IGBP1C: variants seen among roughly 807,000 people sequenced by gnomAD.
IGBP1C encodes the protein IGBP1 family member C, also known as immunoglobulin-binding protein 1 family member C.
At chr17:58,683,372 C>T in the IGBP1C span, among the ~76,000 whole-genome samples, 1 of 150,000 alleles carries the variant, frequency 6.7e-6, no homozygotes, top group Non-Finnish European at 1.5e-5. Context: ...GACTCCATCC[C>T]CCCCCCCAAA....
the IGBP1C span, among the ~76,000 whole-genome samples, chr17:58,691,200 GCTTCCATGTCCTTAT>G: frequency 6.6e-6 from 1 of 152,120 alleles, no homozygotes; most frequent in African/African-American, 2.4e-5. Flanking sequence ...TATATGCTGA[GCTTCCATGTCCTTAT>G]CTTCCTTTTG....
chr17:58,686,743 G>A, the IGBP1C span, among the ~76,000 whole-genome samples: 421 of 151,336 alleles, frequency 2.8e-3, 6 homozygotes, highest in African/African-American at 9.8e-3. Flanking sequence ...AGGCCTTAAA[G>A]AAGCTTTATC....
chr17:58,660,884 C>T, the IGBP1C span: 3 of 810,260 alleles, frequency 3.7e-6, no homozygotes, highest in African/African-American at 3.3e-5. Flanking sequence ...CATTGGAGGC[C>T]TCTTCTGGTG....
the IGBP1C span, among the ~76,000 whole-genome samples, chr17:58,668,627 G>A: frequency 6.6e-6 from 1 of 152,202 alleles, no homozygotes; most frequent in Non-Finnish European, 1.5e-5. Context: ...AAGGGAGGCT[G>A]AAATGTGCCC....
At chr17:58,677,584 T>C in the IGBP1C span, 2 of 152,162 alleles carry the variant, frequency 1.3e-5, no homozygotes, top group Non-Finnish European at 1.5e-5. Flanking sequence ...CAGGGGAAAG[T>C]GTGAACACAG....
the IGBP1C span, among the ~76,000 whole-genome samples, chr17:58,672,416 A>T: frequency 1.3e-5 from 2 of 152,184 alleles, no homozygotes; most frequent in East Asian, 3.8e-4. Flanking sequence ...GCAAACTGCA[A>T]CTACATCCTC....
chr17:58,661,138 T>C, the IGBP1C span: 4 of 843,512 alleles, frequency 4.7e-6, no homozygotes, highest in Non-Finnish European at 8.4e-6. Context: ...GTCTTTGAGA[T>C]GCCATAGCAA....
At chr17:58,677,743 C>T in the IGBP1C span, 1 of 152,146 alleles carries the variant, frequency 6.6e-6, no homozygotes, top group African/African-American at 2.4e-5. Context: ...AAGTGGAAGG[C>T]ATGGTTGTTG....
At chr17:58,671,751 G>T in the IGBP1C span, among the ~76,000 whole-genome samples, 1 of 152,022 alleles carries the variant, frequency 6.6e-6, no homozygotes, top group Admixed American at 6.6e-5. Flanking sequence ...TCGTTTTCTT[G>T]TTCTATTTTC....
the IGBP1C span, chr17:58,660,791 C>T: frequency 1.3e-6 from 1 of 781,480 alleles, no homozygotes; most frequent in Middle Eastern, 2.3e-4. Flanking sequence ...ATACCAGTCA[C>T]TCACTGTCAT....
At chr17:58,661,436 G>C in the IGBP1C span, 1 of 808,260 alleles carries the variant, frequency 1.2e-6, no homozygotes. Flanking sequence ...TAACATTTTG[G>C]CAACCTTGTC....
the IGBP1C span, among the ~76,000 whole-genome samples, chr17:58,674,303 G>A: frequency 6.7e-6 from 1 of 150,236 alleles, no homozygotes; most frequent in Non-Finnish European, 1.5e-5. Flanking sequence ...CCCTTGATTT[G>A]ACAGAATTGA....
chr17:58,673,363 G>A, the IGBP1C span, among the ~76,000 whole-genome samples: 1 of 151,630 alleles, frequency 6.6e-6, no homozygotes, highest in Non-Finnish European at 1.5e-5. Flanking sequence ...CACACCTGTA[G>A]TCCCAGCTAC....
At chr17:58,690,600 G>C in the IGBP1C span, among the ~76,000 whole-genome samples, 1 of 152,100 alleles carries the variant, frequency 6.6e-6, no homozygotes, top group Non-Finnish European at 1.5e-5. Context: ...CAAGAATCTG[G>C]GTGCTTTATA....
chr17:58,667,053 G>C, the IGBP1C span, among the ~76,000 whole-genome samples: 1 of 152,134 alleles, frequency 6.6e-6, no homozygotes, highest in Admixed American at 6.6e-5. Flanking sequence ...TGACAAAAAC[G>C]CACCACCTCA....
the IGBP1C span, among the ~76,000 whole-genome samples, chr17:58,682,227 G>T: frequency 6.6e-6 from 1 of 151,452 alleles, no homozygotes; most frequent in African/African-American, 2.4e-5. Flanking sequence ...GGGATTAGAG[G>T]CATGGAACCA....
chr17:58,680,681 A>G, the IGBP1C span, among the ~76,000 whole-genome samples: 1 of 152,096 alleles, frequency 6.6e-6, no homozygotes, highest in East Asian at 1.9e-4. Flanking sequence ...GGTTGCAATG[A>G]GCTGAGATCA....
the IGBP1C span, among the ~76,000 whole-genome samples, chr17:58,684,840 G>T: frequency 6.6e-6 from 1 of 151,850 alleles, no homozygotes; most frequent in South Asian, 2.1e-4. Flanking sequence ...GCTGGGCGTG[G>T]TGTCTCACAC....
At chr17:58,682,967 C>T in the IGBP1C span, among the ~76,000 whole-genome samples, 1 of 151,568 alleles carries the variant, frequency 6.6e-6, no homozygotes, top group Non-Finnish European at 1.5e-5. Flanking sequence ...CACCTACAAT[C>T]CCAGCACTTT....
Sources: gnomAD v4.1 joint callset for allele counts (sites outside exome capture counted in the v4.1 genomes callset) on GRCh38, gnomAD v4.1.1 for gene constraint, MANE v1.5 for transcripts, NCBI Gene and HGNC (gene_info 2026-07-23, HGNC 2026-07-21) for gene names.